The following GOSR2 variants were observed in gnomAD, a reference collection of about 807,000 sequenced individuals.
GOSR2 encodes 27 kDa Golgi SNARE protein.
Under a neutral mutation model 27.9 loss-of-function variants are expected in GOSR2, and 20 were observed. That is an observed-to-expected ratio of 0.72 (90% CI 0.50 to 1.04). GOSR2 has a LOEUF of 1.04. GOSR2 is among the 50% of genes least tolerant of loss of function. The pLI, the probability that GOSR2 is intolerant of heterozygous loss-of-function variation, is 0.00. For missense variants in GOSR2, 261 were observed against 270.5 expected, an observed-to-expected ratio of 0.97 and a Z score of 0.25; for synonymous variants, 91 against 98.8, an observed-to-expected ratio of 0.92 and a Z score of 0.47.
At chr17:46,974,613 A>G (rs1243453525) in intron 6 of GOSR2, among the ~76,000 whole-genome samples, 1 of 152,174 alleles carries the variant, frequency 6.6e-6, no homozygotes, top group Non-Finnish European at 1.5e-5. Context: ...GGGCGCCTGT[A>G]GTCCCAGCTA....
At chr17:46,948,165 C>T (rs1230036593) in intron 6 of GOSR2, among the ~76,000 whole-genome samples, 2 of 152,214 alleles carry the variant, frequency 1.3e-5, no homozygotes, top group Non-Finnish European at 2.9e-5. Flanking sequence ...GCTGTGGAAC[C>T]TTGAGCAAGC....
intron 5 of GOSR2, chr17:46,935,627 G>A: frequency 9.8e-7 from 1 of 1,017,690 alleles, no homozygotes; most frequent in Non-Finnish European, 1.2e-6. Flanking sequence ...CCACTGTGCA[G>A]TGTTAGGGCT....
At chr17:46,926,582 C>T (rs944244796) in intron 1 of GOSR2, among the ~76,000 whole-genome samples, 1 of 152,202 alleles carries the variant, frequency 6.6e-6, no homozygotes, top group Non-Finnish European at 1.5e-5. Context: ...TGTCCACGCT[C>T]CCAAGTCATG....
chr17:46,974,987 C>CTTTTT (rs58438726), intron 6 of GOSR2, among the ~76,000 whole-genome samples: 8 of 119,056 alleles, frequency 6.7e-5, no homozygotes, highest in South Asian at 2.7e-4. Context: ...TTACTATTTT[C>CTTTTT]TTTTTTTTTT....
At chr17:46,943,546 A>G (rs1443493642), downstream of GOSR2, among the ~76,000 whole-genome samples, 2 of 152,134 alleles carry the variant, frequency 1.3e-5, no homozygotes, top group African/African-American at 4.8e-5. Flanking sequence ...ACAACCTCAT[A>G]CTGCACGCTT....
At chr17:46,973,894 G>A (rs943797940) in intron 6 of GOSR2, among the ~76,000 whole-genome samples, 2 of 152,084 alleles carry the variant, frequency 1.3e-5, no homozygotes, top group Admixed American at 6.6e-5. Flanking sequence ...CCGCCACCTC[G>A]CATGCTCCAT....
At chr17:46,975,052 T>C (rs1433027381) in intron 6 of GOSR2, 1 of 149,510 alleles carries the variant, frequency 6.7e-6, no homozygotes, top group African/African-American at 2.5e-5. Context: ...AAATGTACTT[T>C]AGGGAAAGAG....
At chr17:46,926,457 A>G (rs1333298577) in intron 1 of GOSR2, among the ~76,000 whole-genome samples, 1 of 152,166 alleles carries the variant, frequency 6.6e-6, no homozygotes, top group African/African-American at 2.4e-5. Flanking sequence ...AACCTTTTTT[A>G]AAGACGGCTA....
intron 6 of GOSR2, among the ~76,000 whole-genome samples, chr17:46,965,438 C>T (rs555139822): frequency 6.6e-6 from 1 of 152,300 alleles, no homozygotes; most frequent in African/African-American, 2.4e-5. Context: ...CTTCCCTGTC[C>T]ACTGTGCCCC....
At position 46,940,689 on chromosome 17, in the gene GOSR2, G is replaced by A; in HGVS notation, c.*1929G>A. 1.9e-6 allele frequency: 3 copies of A among 1,610,644 alleles called. No homozygotes were observed. Among genetic ancestry groups the A allele is most frequent in the Non-Finnish European group, 2.5e-6 (3 of 1,179,736 alleles). Reference sequence around the variant, plus strand: ...GTGGACTGATAGGACATCTTTTCGTGGTGTGCACCAGTGCTTTCCACACTT... The same window carrying A: ...GTGGACTGATAGGACATCTTTTCGTAGTGTGCACCAGTGCTTTCCACACTT... On this transcript the variant is annotated 3_prime_UTR_variant, in exon 6 of 6. Coordinates refer to ENST00000640051, the MANE Select transcript of GOSR2 (RefSeq NM_004287.5).
chr17:46,932,028 G>A, intron 3 of GOSR2, 39 bp from the exon 4 acceptor site: 3 of 1,607,030 alleles, frequency 1.9e-6, no homozygotes, highest in Non-Finnish European at 2.6e-6. Flanking sequence ...CTGCTGCCCT[G>A]AGTTCCTGGA....
At chr17:46,934,619 C>T (rs1035117102) in intron 4 of GOSR2, among the ~76,000 whole-genome samples, 3 of 152,136 alleles carry the variant, frequency 2.0e-5, no homozygotes, top group African/African-American at 4.8e-5. Flanking sequence ...CTAAAGGACA[C>T]GAGCAAACAT....
chr17:46,937,146 TG>T (rs1165351180), intron 5 of GOSR2: 1 of 152,164 alleles, frequency 6.6e-6, no homozygotes, highest in Non-Finnish European at 1.5e-5. Flanking sequence ...ACAGGCTGGA[TG>T]GTTTGGGTTG....
exon 7 of GOSR2, chr17:46,966,804 T>G (rs898914221): frequency 9.3e-6 from 4 of 428,024 alleles, no homozygotes; most frequent in Non-Finnish European, 8.2e-6. Flanking sequence ...ATGTGGCCGA[T>G]GAGAAAAATC....
intron 2 of GOSR2, 72 bp from the exon 3 acceptor site, chr17:46,931,027 C>A (rs1156853124): frequency 7.0e-6 from 6 of 861,454 alleles, no homozygotes; most frequent in Admixed American, 5.4e-5. Context: ...AAAAAAAAAT[C>A]TGTGATTTAT....
At chr17:46,946,209 G>T (rs1447992446), downstream of GOSR2, among the ~76,000 whole-genome samples, 1 of 151,386 alleles carries the variant, frequency 6.6e-6, no homozygotes, top group African/African-American at 2.4e-5. Flanking sequence ...GCCGAGGTGG[G>T]CAGATCTCCT....
downstream of GOSR2, among the ~76,000 whole-genome samples, chr17:46,971,511 C>T (rs1348132081): frequency 2.0e-5 from 3 of 152,128 alleles, no homozygotes; most frequent in South Asian, 4.1e-4. Flanking sequence ...TAACTATATC[C>T]TTTGCTGACC....
downstream of GOSR2, among the ~76,000 whole-genome samples, chr17:46,942,365 T>C (rs6504622): frequency 0.45 from 68,333 of 152,110 alleles, 15,621 homozygotes; most frequent in East Asian, 0.55. Context: ...CTCTCACTTA[T>C]GTTCTCCATC....
Position 46,939,347 on chromosome 17 carries a change from T to C in GOSR2, c.*587T>C. ...AAGCAGCTACCTAGGGGAAACAAGA[T>C]GTAGTGCTATTGCCGATAACAAGTA... is the stretch of plus-strand genomic sequence containing the variant. On this transcript the variant is annotated 3_prime_UTR_variant, in exon 6 of 6. Transcript: ENST00000640051. The C allele has an allele frequency of 2.0e-6, 2 of 1,007,722 alleles. No homozygotes were observed. Among genetic ancestry groups the C allele is most frequent in the Non-Finnish European group, 2.4e-6 (2 of 841,120 alleles). The allele number at this position is 1,007,722 out of a possible 1,614,324, so 62.4% of individuals were successfully genotyped here.
Sources: gnomAD v4.1 joint callset for allele counts (sites outside exome capture counted in the v4.1 genomes callset) on GRCh38, gnomAD v4.1.1 for gene constraint, MANE v1.5 for transcripts, NCBI Gene and HGNC (gene_info 2026-07-23, HGNC 2026-07-21) for gene names.